The following SRPRA variants were observed in gnomAD, a reference collection of about 807,000 sequenced individuals.
SRPRA encodes the protein signal recognition particle receptor subunit alpha.
SRPRA carries 30 observed loss-of-function variants against 61.1 expected under a neutral mutation model. That is an observed-to-expected ratio of 0.49 (90% confidence interval 0.37 to 0.67). The LOEUF (loss-of-function observed/expected upper bound fraction) is 0.67. SRPRA is among the 30% of genes least tolerant of loss of function. The pLI is 0.00. For synonymous variants in SRPRA, 324 were observed against 299.7 expected, an observed-to-expected ratio of 1.08 and a Z score of -0.84; for missense variants, 759 against 828.4, an observed-to-expected ratio of 0.92 and a Z score of 1.03.
chr11:126,243,903 CAAAA>C, the SRPRA span, among the ~76,000 whole-genome samples: 1 of 104,586 alleles, frequency 9.6e-6, no homozygotes, highest in South Asian at 3.2e-4. Context: ...GACTCCGTCT[CAAAA>C]AAAAAAAAAA....
the SRPRA span, chr11:126,254,527 A>AC: frequency 1.3e-6 from 2 of 1,520,600 alleles, no homozygotes; most frequent in Non-Finnish European, 1.8e-6. Flanking sequence ...TCTTCTTTTC[A>AC]TTAAGTGAAA....
chr11:126,240,632 T>G, the SRPRA span, among the ~76,000 whole-genome samples: 7 of 152,296 alleles, frequency 4.6e-5, no homozygotes, highest in African/African-American at 1.2e-4. Flanking sequence ...ATATTCTGGT[T>G]GTTTTCTTTA....
the SRPRA span, chr11:126,256,966 C>T: frequency 9.0e-7 from 1 of 1,114,092 alleles, no homozygotes; most frequent in Non-Finnish European, 1.3e-6. This position sits in a 1 kb window ranked among gnomAD's most constrained non-coding sequence, Gnocchi z 6.6. Context: ...TAATGACTGA[C>T]CAAATTGTAA....
Position 126,267,556 on chromosome 11 carries a change from G to A in SRPRA, c.358C>T (p.Leu120Phe). The change falls in exon 3 of 14, where the codon CTC becomes TTC. Residue 120 changes from leucine to phenylalanine, a missense_variant. Leu to Phe is a conservative substitution (Grantham distance 22, BLOSUM62 0). This residue lies in a region of SRPRA where 475 missense variants were observed against 462.5 expected (regional missense o/e 1.03). Transcript: ENST00000332118. The surrounding 1 kb of genome is among the most constrained non-coding windows in gnomAD (Gnocchi z 4.2). ...TFDFQNDFLR[L>F]LREAEESSKI... The stretch of plus-strand genomic sequence containing the variant: ...AGAAGGCAGGTCTCTCACCGAAGGA[G>A]CCGCAGGAAGTCATTTTGGAAATCA... 6.2e-7 allele frequency: 1 copy of A among 1,613,974 alleles called. No homozygotes were observed. The highest frequency in any genetic ancestry group is 1.1e-5 in the South Asian group (1 of 91,078).
At chr11:126,246,905 C>T in the SRPRA span, among the ~76,000 whole-genome samples, 2 of 152,116 alleles carry the variant, frequency 1.3e-5, no homozygotes, top group East Asian at 3.8e-4. Flanking sequence ...CTTATAAAGG[C>T]CACTGGTGGC....
chr11:126,249,984 C>CTAT, the SRPRA span, among the ~76,000 whole-genome samples: 1 of 151,966 alleles, frequency 6.6e-6, no homozygotes, highest in South Asian at 2.1e-4. Context: ...AGGAAGCTTA[C>CTAT]GTATAGTAGC....
At chr11:126,268,574 G>C (rs1180828692) in intron 1 of SRPRA, 114 bp downstream of exon 1, 2 of 816,234 alleles carry the variant, frequency 2.5e-6, no homozygotes, top group African/African-American at 3.5e-5. Context: ...ACGCGTGAGT[G>C]GTCAGTGTGA....
chr11:126,247,055 G>A, the SRPRA span, among the ~76,000 whole-genome samples: 1 of 152,222 alleles, frequency 6.6e-6, no homozygotes, highest in Non-Finnish European at 1.5e-5. Context: ...CTACACAGGA[G>A]GCTGAGGCAA....
rs1345239147 is a variant in SRPRA, at chr11:126,263,362, T to TG, written c.*553dup. On this transcript the variant is annotated 3_prime_UTR_variant, in exon 14 of 14. Coordinates refer to ENST00000332118, the MANE Select transcript of SRPRA (RefSeq NM_003139.4). ...AATCACTCCAGCCTAGCTGATGCTTTGGGGTAAACAATGGAGTAGGAGTCA... is the reference window on the plus strand; with the variant it reads ...AATCACTCCAGCCTAGCTGATGCTTTGGGGGTAAACAATGGAGTAGGAGTCA... 6.5e-6 allele frequency: 1 copy of TG among 152,744 alleles called. No homozygotes were observed. Among genetic ancestry groups the TG allele is most frequent in the Admixed American group, 6.5e-5 (1 of 15,282 alleles). 9.5% of individuals were successfully genotyped at this position (152,744 alleles called of 1,614,324 possible).
the SRPRA span, among the ~76,000 whole-genome samples, chr11:126,257,358 A>G: frequency 7.4e-4 from 112 of 152,160 alleles, no homozygotes; most frequent in Non-Finnish European, 1.2e-3. Context: ...CAATCACACA[A>G]TTGTACAAAG....
chr11:126,263,908 G>A lies in SRPRA; in HGVS notation c.*8C>T, dbSNP rs373004343. ...AAAGCGGCGATTTGGTATTGGGCAA[G>A]AGCCACGTTAAGCCTTCATGAGGGC... On this transcript the variant is annotated 3_prime_UTR_variant, in exon 14 of 14. Transcript: ENST00000332118. The A allele has an allele frequency of 4.3e-6, 7 of 1,613,676 alleles. No homozygotes were observed. The highest frequency in any genetic ancestry group is 2.2e-5 in the South Asian group (2 of 91,038).
chr11:126,253,431 G>C, the SRPRA span, among the ~76,000 whole-genome samples: 1 of 152,184 alleles, frequency 6.6e-6, no homozygotes, highest in Non-Finnish European at 1.5e-5. This position sits in a 1 kb window ranked among gnomAD's most constrained non-coding sequence, Gnocchi z 5.1. Flanking sequence ...ATGGAATCAG[G>C]TGGCTATTGC....
At position 126,263,806 on chromosome 11, in the gene SRPRA, C is replaced by T; in HGVS notation, c.*110G>A. On this transcript the variant is annotated 3_prime_UTR_variant, in exon 14 of 14. Coordinates refer to ENST00000332118, the MANE Select transcript of SRPRA (RefSeq NM_003139.4). ...AGGAGCCACAAGCCCCCTCACTCTGCCTTTGTACTACACTGAAGACAGGTT... is the reference window on the plus strand; with the variant it reads ...AGGAGCCACAAGCCCCCTCACTCTGTCTTTGTACTACACTGAAGACAGGTT... The T allele has an allele frequency of 6.8e-7, 1 of 1,478,130 alleles. No homozygotes were observed. Among genetic ancestry groups the T allele is most frequent in the East Asian group, 2.3e-5 (1 of 43,786 alleles). 91.6% of individuals were successfully genotyped at this position (1,478,130 alleles called of 1,614,324 possible).
the SRPRA span, among the ~76,000 whole-genome samples, chr11:126,255,505 A>G: frequency 1.3e-5 from 2 of 152,308 alleles, no homozygotes; most frequent in African/African-American, 4.8e-5. This position sits in a 1 kb window ranked among gnomAD's most constrained non-coding sequence, Gnocchi z 4.6. Context: ...ACACACACAC[A>G]TACTGATGTT....
chr11:126,266,706 T>C, intron 5 of SRPRA, 57 bp downstream of exon 5: 1 of 1,609,286 alleles, frequency 6.2e-7, no homozygotes, highest in Non-Finnish European at 8.5e-7. Flanking sequence ...AGAACTCCCT[T>C]GCACCCATTG....
chr11:126,265,181 A>C lies in SRPRA; in HGVS notation c.1312-9T>G. 6.2e-7 allele frequency: 1 copy of C among 1,614,134 alleles called. No homozygotes were observed. Among genetic ancestry groups the C allele is most frequent in the Non-Finnish European group, 8.5e-7 (1 of 1,179,972 alleles). On this transcript the variant is annotated splice_polypyrimidine_tract_variant and intron_variant, in intron 10 of 13. Transcript: ENST00000332118. The surrounding 1 kb of genome is among the most constrained non-coding windows in gnomAD (Gnocchi z 6.3). Reference sequence around the variant, plus strand: ...AACAACCAGAAGGAAATCTGTGAAAAAGACGTAAGAAAAGTCACCTAAAGC... The same window carrying C: ...AACAACCAGAAGGAAATCTGTGAAACAGACGTAAGAAAAGTCACCTAAAGC...
chr11:126,265,234 A>C lies in SRPRA; in HGVS notation c.1311+34T>G. Reference sequence around the variant, plus strand: ...GGATTTTGAGACACAAGAAGTACAGAAATATCAGCGATAGGCTGGGGAACT... The same window carrying C: ...GGATTTTGAGACACAAGAAGTACAGCAATATCAGCGATAGGCTGGGGAACT... On this transcript the variant is annotated intron_variant, in intron 10 of 13. Transcript: ENST00000332118. This position sits in a 1 kb window ranked among gnomAD's most constrained non-coding sequence, Gnocchi z 6.3. 1 of 1,613,728 alleles carries C rather than the reference A, an allele frequency of 6.2e-7. No homozygotes were observed. The highest frequency in any genetic ancestry group is 8.5e-7 in the Non-Finnish European group (1 of 1,179,654).
chr11:126,247,600 C>T, the SRPRA span, among the ~76,000 whole-genome samples: 1 of 152,076 alleles, frequency 6.6e-6, no homozygotes, highest in Non-Finnish European at 1.5e-5. Flanking sequence ...TGGCTCACGC[C>T]TGCAATCCCA....
chr11:126,266,055 A>G lies in SRPRA; in HGVS notation c.959T>C (p.Met320Thr). 1 of 1,614,154 alleles carries G rather than the reference A, an allele frequency of 6.2e-7. No homozygotes were observed. The highest frequency in any genetic ancestry group is 8.5e-7 in the Non-Finnish European group (1 of 1,180,026). The stretch of plus-strand genomic sequence containing the variant: ...CACAAGGCCCTTCAGCATACCAAAC[A>G]TGCCACCCAGTGTTCCCTTGGTCGC... ...PSATKGTLGG[M>T]FGMLKGLVGS... Residue 320 changes from methionine (M) to threonine (T), a missense_variant, in exon 8 of 14, where the codon ATG (methionine) becomes ACG (threonine). Met to Thr is a moderately conservative substitution (Grantham distance 81). This residue lies in a region of SRPRA where 475 missense variants were observed against 462.5 expected (regional missense o/e 1.03). Coordinates refer to ENST00000332118, the MANE Select transcript of SRPRA (RefSeq NM_003139.4).
Sources: allele counts gnomAD v4.1 joint callset (sites outside exome capture counted in the v4.1 genomes callset), GRCh38; gene constraint gnomAD v4.1.1; regional missense constraint gnomAD v4.1.1; non-coding constraint Gnocchi (gnomAD v3.1); transcripts MANE v1.5; gene names NCBI Gene and HGNC (gene_info 2026-07-23, HGNC 2026-07-21).